Variants in CAMTA1 observed in about 807,000 individuals in gnomAD.
The protein encoded by CAMTA1 is calmodulin-binding transcription activator 1.
A neutral mutation model predicts 170.9 loss-of-function variants in CAMTA1; 27 were observed. That is an observed-to-expected ratio of 0.16 (90% confidence interval 0.12 to 0.22). CAMTA1 has a LOEUF of 0.22. CAMTA1 is among the 10% of genes least tolerant of loss of function. The pLI is 1.00. For missense variants in CAMTA1, 1,619 were observed against 2,217.2 expected, an observed-to-expected ratio of 0.73 and a Z score of 5.42; for synonymous variants, 833 against 891.5, an observed-to-expected ratio of 0.93 and a Z score of 1.17.
rs374603947 is a variant in CAMTA1 at position 7,244,454 on chromosome 1, C to T, written c.303-5037C>T. Among the ~76,000 whole-genome samples the T allele has an allele frequency of 1.3e-4, 20 of 152,214 alleles. No individual in the cohort carries two copies. The South Asian group carries it at 1.5e-3, about 11-fold the overall frequency. On this transcript the variant is annotated intron_variant, in intron 4 of 22. Transcript: ENST00000303635. ...TACACATGCACATGTATGTTTATTG[C>T]GGCACTATTCACAATAGCAAAGACT...
chr1:7,398,056 A>G (rs537693125), intron 5 of CAMTA1, among the ~76,000 whole-genome samples: 195 of 149,432 alleles, frequency 1.3e-3, no homozygotes, highest in African/African-American at 4.3e-3. Context: ...AGTCTGGATG[A>G]TCTGTTCATT....
intron 3 of CAMTA1, among the ~76,000 whole-genome samples, chr1:7,057,146 G>C (rs1707465624): frequency 6.6e-6 from 1 of 152,182 alleles, no homozygotes; most frequent in South Asian, 2.1e-4. Context: ...GGGGGTCTGG[G>C]CTCCTTTCTA....
intron 5 of CAMTA1, among the ~76,000 whole-genome samples, chr1:7,440,162 A>T (rs1412896207): frequency 6.6e-6 from 1 of 152,260 alleles, no homozygotes; most frequent in Non-Finnish European, 1.5e-5. Flanking sequence ...TGCTCCTACC[A>T]GTGTGTCTTG....
chr1:6,883,867 A>G (rs1387227019), intron 3 of CAMTA1, among the ~76,000 whole-genome samples: 6 of 152,182 alleles, frequency 3.9e-5, no homozygotes, highest in African/African-American at 9.7e-5. Context: ...TTAATAATAT[A>G]TTGTAATATA....
intron 9 of CAMTA1, among the ~76,000 whole-genome samples, chr1:7,667,658 T>G (rs2096013278): frequency 6.6e-6 from 1 of 152,058 alleles, no homozygotes; most frequent in African/African-American, 2.4e-5. Flanking sequence ...AGTGGGACAT[T>G]AGCAGGCCTG....
Position 6,935,879 on chromosome 1 carries a change from G to A in CAMTA1, c.234+110669G>A, listed in dbSNP as rs114357012. Among the ~76,000 whole-genome samples, 549 of 152,278 alleles carry A rather than the reference G, an allele frequency of 3.6e-3. 5 individuals carry two copies. The highest frequency in any genetic ancestry group is 5.2e-3 in the Non-Finnish European group (355 of 68,014). ...GTCTCCTTCACCAGATGGAGACCCCGCAGAGTCTGGAGGGGTGGGCTCAGG... is the reference window on the plus strand; with the variant it reads ...GTCTCCTTCACCAGATGGAGACCCCACAGAGTCTGGAGGGGTGGGCTCAGG... On this transcript the variant is annotated intron_variant, in intron 3 of 22. Transcript: ENST00000303635.
Position 7,534,803 on chromosome 1 carries a change from AAGGC to A in CAMTA1, c.510+66903_510+66906del, listed in dbSNP as rs1006060711. On this transcript the variant is annotated intron_variant, in intron 6 of 22. Coordinates refer to ENST00000303635, the MANE Select transcript of CAMTA1 (RefSeq NM_015215.4). The surrounding 1 kb of genome is among the most constrained non-coding windows in gnomAD (Gnocchi z 5.6). ...CACTAGCAGTCCTCAACTTTAGAGA[AAGGC>A]CAGCGAAAGTGAGGTTTATGGCTTG... Among the ~76,000 whole-genome samples the A allele has an allele frequency of 2.0e-5, 3 of 152,198 alleles. No homozygotes were observed. The highest frequency in any genetic ancestry group is 4.4e-5 in the Non-Finnish European group (3 of 68,028).
At chr1:7,620,679 C>T (rs1333763145) in intron 6 of CAMTA1, among the ~76,000 whole-genome samples, 1 of 152,022 alleles carries the variant, frequency 6.6e-6, no homozygotes, top group Non-Finnish European at 1.5e-5. Flanking sequence ...GCAGGTACCT[C>T]ATAAATGTGG....
At chr1:6,950,281 C>T (rs1005475855) in intron 3 of CAMTA1, among the ~76,000 whole-genome samples, 3 of 152,204 alleles carry the variant, frequency 2.0e-5, no homozygotes, top group African/African-American at 4.8e-5. Context: ...CCCATGGAGG[C>T]TGTCAGTTCC....
Position 7,668,426 on chromosome 1 carries a change from CA to C in CAMTA1, c.2653-2484del, listed in dbSNP as rs2096021880. Among the ~76,000 whole-genome samples the C allele has an allele frequency of 9.3e-5, 12 of 129,108 alleles. No homozygotes were observed. In the East Asian group the frequency reaches 1.6e-3, roughly 18 times the overall value. The allele number at this position is 129,108 out of a possible 152,430, so 84.7% of individuals were successfully genotyped here. ...ACACACACACACACACACACACACA[CA>C]CACACCCACCACACACCCCAGAGGC... On this transcript the variant is annotated intron_variant, in intron 9 of 22. Coordinates refer to ENST00000303635, the MANE Select transcript of CAMTA1 (RefSeq NM_015215.4).
intron 3 of CAMTA1, among the ~76,000 whole-genome samples, chr1:6,870,981 G>T (rs2148986559): frequency 6.6e-6 from 1 of 152,154 alleles, no homozygotes; most frequent in Non-Finnish European, 1.5e-5. Flanking sequence ...TGATTTGGGT[G>T]GTAGCTTCAT....
intron 4 of CAMTA1, among the ~76,000 whole-genome samples, chr1:7,162,700 A>T (rs2148772121): frequency 6.6e-6 from 1 of 152,258 alleles, no homozygotes; most frequent in East Asian, 1.9e-4. Flanking sequence ...TATTTCATTT[A>T]TCAGCTCCTC....
At position 7,498,967 on chromosome 1, in the gene CAMTA1, G is replaced by A. The variant is rs1223448447; in HGVS notation, c.510+31066G>A. ...TGTCCATGAGTGTGTAGAGAGGATT[G>A]TGTGAGTCTGGTGTGCGTGTGTATG... On this transcript the variant is annotated intron_variant, in intron 6 of 22. Transcript: ENST00000303635. Among the ~76,000 whole-genome samples, 45 of 143,196 alleles carry A rather than the reference G, an allele frequency of 3.1e-4. 1 individual carries two copies. Among genetic ancestry groups the A allele is most frequent in the Non-Finnish European group, 3.0e-5 (2 of 65,620 alleles). 93.9% of individuals were successfully genotyped at this position (143,196 alleles called of 152,430 possible).
intron 1 of CAMTA1, among the ~76,000 whole-genome samples, chr1:6,793,949 G>A (rs1228121278): frequency 6.6e-6 from 1 of 152,108 alleles, no homozygotes; most frequent in Non-Finnish European, 1.5e-5. Context: ...TCATTTGGGA[G>A]TGATAATAAG....
chr1:7,613,923 A>C, intron 6 of CAMTA1, among the ~76,000 whole-genome samples: 1 of 108,978 alleles, frequency 9.2e-6, no homozygotes, highest in Non-Finnish European at 1.9e-5. Context: ...GGGAGGAGAG[A>C]GATGGTGGGG....
intron 3 of CAMTA1, among the ~76,000 whole-genome samples, chr1:7,078,506 A>G (rs1457391509): frequency 6.6e-6 from 1 of 152,204 alleles, no homozygotes; most frequent in East Asian, 1.9e-4. Flanking sequence ...TGAGACAACA[A>G]TGACACCCTC....
chr1:7,071,144 C>G (rs1457486932), intron 3 of CAMTA1, among the ~76,000 whole-genome samples: 1 of 152,182 alleles, frequency 6.6e-6, no homozygotes, highest in Non-Finnish European at 1.5e-5. Context: ...ACAAGGTCAT[C>G]AGTGACAAAT....
rs1180185780 is a variant in CAMTA1 at position 7,234,384 on chromosome 1, A to AT, written c.303-15105dup. Reference sequence around the variant, plus strand: ...CTCACAGCTGTTCTCAAACCCACTCATTCGCTATCTCTGGTGGGTCCCCTT... The same window carrying AT: ...CTCACAGCTGTTCTCAAACCCACTCATTTCGCTATCTCTGGTGGGTCCCCTT... On this transcript the variant is annotated intron_variant, in intron 4 of 22. Coordinates refer to ENST00000303635, the MANE Select transcript of CAMTA1 (RefSeq NM_015215.4). The surrounding 1 kb of genome is among the most constrained non-coding windows in gnomAD (Gnocchi z 5.0). 6.6e-6 allele frequency among the ~76,000 whole-genome samples: 1 copy of AT among 151,998 alleles called. No individual in the cohort carries two copies. Among genetic ancestry groups the AT allele is most frequent in the Non-Finnish European group, 1.5e-5 (1 of 67,992 alleles).
Position 7,234,575 on chromosome 1 carries a change from A to G in CAMTA1, c.303-14916A>G, listed in dbSNP as rs567131711. Among the ~76,000 whole-genome samples the G allele has an allele frequency of 1.3e-4, 20 of 152,312 alleles. No homozygotes were observed. Among genetic ancestry groups the G allele is most frequent in the Admixed American group, 1.2e-3 (18 of 15,312 alleles). On this transcript the variant is annotated intron_variant, in intron 4 of 22. Coordinates refer to ENST00000303635, the MANE Select transcript of CAMTA1 (RefSeq NM_015215.4). The surrounding 1 kb of genome is among the most constrained non-coding windows in gnomAD (Gnocchi z 5.0). ...TCAGTAAATATTAACTGAACAAATC[A>G]GTGAACGTCAGCGTAGAGTTTCAAG... is the stretch of plus-strand genomic sequence containing the variant.
Sources: gnomAD v4.1 joint callset for allele counts (sites outside exome capture counted in the v4.1 genomes callset) on GRCh38, gnomAD v4.1.1 for gene constraint, Gnocchi (gnomAD v3.1) non-coding constraint, MANE v1.5 for transcripts, NCBI Gene and HGNC (gene_info 2026-07-23, HGNC 2026-07-21) for gene names.